The following HTR2C variants were observed in gnomAD, a reference collection of about 807,000 sequenced individuals.
HTR2C encodes the protein 5-hydroxytryptamine (serotonin) receptor 2C, G protein-coupled.
A neutral mutation model predicts 21.0 loss-of-function variants in HTR2C; 5 were observed. The ratio of observed to expected loss-of-function variants is 0.24; its 90% CI spans 0.12 to 0.50. The LOEUF (loss-of-function observed/expected upper bound fraction) is 0.50, where lower values mean the gene tolerates loss of function less well. Ranked by LOEUF, HTR2C falls within the 20% of genes least tolerant of loss-of-function variation. HTR2C has a pLI of 0.98. For missense variants in HTR2C, 271 were observed against 371.2 expected (o/e 0.73, Z 2.22); for synonymous variants, 150 against 145.3 (o/e 1.03, Z -0.23).
chrX:114,833,143 A>G (rs1273230746), intron 4 of HTR2C, among the ~76,000 whole-genome samples: 1 of 95,949 alleles, frequency 1.0e-5, no homozygotes, highest in African/African-American at 3.7e-5. Flanking sequence ...TTCATCAAGG[A>G]TATTGGTCTA....
chrX:114,886,039 T>C (rs782345973), intron 5 of HTR2C, among the ~76,000 whole-genome samples: 1 of 111,472 alleles, frequency 9.0e-6, no homozygotes, highest in Non-Finnish European at 1.9e-5. Flanking sequence ...GTTCTGTTAT[T>C]GGTACATATA....
intron 2 of HTR2C, among the ~76,000 whole-genome samples, chrX:114,655,341 AC>A (rs1406673333): frequency 2.7e-5 from 3 of 111,444 alleles, no homozygotes; most frequent in African/African-American, 9.7e-5. Flanking sequence ...GGTCTGGTAA[AC>A]CACCTGTCTA....
chrX:114,635,904 A>G (rs146118547), intron 2 of HTR2C, among the ~76,000 whole-genome samples: 1 of 111,372 alleles, frequency 9.0e-6, no homozygotes, highest in Non-Finnish European at 1.9e-5. Flanking sequence ...ATTGGATTAG[A>G]ACCATGTTTT....
chrX:114,662,873 G>T (rs1432106822), intron 2 of HTR2C, among the ~76,000 whole-genome samples: 1 of 111,742 alleles, frequency 8.9e-6, no homozygotes, highest in African/African-American at 3.2e-5. Context: ...TGATTTTAAA[G>T]TACTTGTGTA....
At chrX:114,838,531 G>C (rs1392570039) in intron 4 of HTR2C, among the ~76,000 whole-genome samples, 2 of 112,199 alleles carry the variant, frequency 1.8e-5, no homozygotes, top group Non-Finnish European at 3.8e-5. Context: ...TTAATGTCTT[G>C]TATTCAGTCT....
intron 4 of HTR2C, among the ~76,000 whole-genome samples, chrX:114,782,217 C>T (rs1405840756): frequency 9.4e-6 from 1 of 106,432 alleles, no homozygotes; most frequent in Non-Finnish European, 1.9e-5. Context: ...TGAAGTTATA[C>T]AAGCATGGGT....
intron 2 of HTR2C, among the ~76,000 whole-genome samples, chrX:114,722,439 A>T (rs1556420904): frequency 9.0e-6 from 1 of 111,227 alleles, no homozygotes; most frequent in Non-Finnish European, 1.9e-5. Context: ...TTTTCTAAAT[A>T]TACAATCATG....
intron 2 of HTR2C, among the ~76,000 whole-genome samples, chrX:114,636,018 T>A (rs782706639): frequency 9.1e-6 from 1 of 110,203 alleles, no homozygotes; most frequent in African/African-American, 3.3e-5. Flanking sequence ...TGTTAACAGG[T>A]AACTGAGGCT....
intron 5 of HTR2C, among the ~76,000 whole-genome samples, chrX:114,851,780 G>A (rs988491834): frequency 9.0e-6 from 1 of 111,215 alleles, no homozygotes; most frequent in African/African-American, 3.3e-5. Context: ...CCCCAGTTCC[G>A]AAATTAGCCA....
chrX:114,779,200 G>T (rs184817089), intron 4 of HTR2C, among the ~76,000 whole-genome samples: 1 of 110,929 alleles, frequency 9.0e-6, no homozygotes, highest in Non-Finnish European at 1.9e-5. Context: ...TGTCATCTTG[G>T]GGGGAGGCTG....
intron 1 of HTR2C, among the ~76,000 whole-genome samples, chrX:114,589,248 G>T (rs953214788): frequency 4.5e-5 from 5 of 111,894 alleles, no homozygotes; most frequent in African/African-American, 1.6e-4. Context: ...ATTTCATCTA[G>T]AGATTCACCT....
chrX:114,744,456 C>CT (rs782167644), intron 4 of HTR2C, among the ~76,000 whole-genome samples: 4,662 of 94,531 alleles, frequency 0.049, 265 homozygotes, highest in African/African-American at 0.15. Context: ...AAAGCTCATT[C>CT]TTTTTTTTTT....
At chrX:114,642,737 G>A (rs1556406707) in intron 2 of HTR2C, among the ~76,000 whole-genome samples, 1 of 111,559 alleles carries the variant, frequency 9.0e-6, no homozygotes, top group African/African-American at 3.3e-5. Flanking sequence ...TAGCTTCTGA[G>A]TTTGTTTAGA....
intron 1 of HTR2C, among the ~76,000 whole-genome samples, chrX:114,588,824 AGAG>A (rs1264911532): frequency 2.7e-5 from 3 of 111,887 alleles, no homozygotes; most frequent in Non-Finnish European, 5.6e-5. Flanking sequence ...ATTATTCTTA[AGAG>A]GAGAGGTATA....
chrX:114,735,776 T>C (rs141061447), intron 4 of HTR2C, among the ~76,000 whole-genome samples: 1 of 111,428 alleles, frequency 9.0e-6, no homozygotes, highest in Non-Finnish European at 1.9e-5. Context: ...CCAAAGGAAA[T>C]GTAATTAGTA....
intron 5 of HTR2C, 82 bp downstream of exon 5, chrX:114,848,285 C>T: frequency 1.7e-6 from 1 of 588,872 alleles, no homozygotes; most frequent in Non-Finnish European, 2.6e-6. Flanking sequence ...AACGTACAGA[C>T]GTCGACTGGT....
chrX:114,833,713 T>C (rs1238169900), intron 4 of HTR2C, among the ~76,000 whole-genome samples: 1 of 111,573 alleles, frequency 9.0e-6, no homozygotes, highest in Non-Finnish European at 1.9e-5. Flanking sequence ...AGTTCTGCTC[T>C]TATTTTAGTT....
At position 114,731,552 on chromosome X, in the gene HTR2C, T is replaced by A; in HGVS notation, c.294T>A (p.Ala98=). 1 of 1,208,236 alleles carries A rather than the reference T, an allele frequency of 8.3e-7. No homozygotes were observed. Among genetic ancestry groups the A allele is most frequent in the Non-Finnish European group, 1.1e-6 (1 of 892,411 alleles). Residue 98 remains alanine (A), a synonymous_variant, in exon 4 of 6, where the codon GCT becomes GCA. Coordinates refer to ENST00000276198, the MANE Select transcript of HTR2C (RefSeq NM_000868.4). ...ACTTCTTAATGTCCCTAGCCATTGCTGATATGCTAGTGGGACTACTTGTCA... is the reference window on the plus strand; with the variant it reads ...ACTTCTTAATGTCCCTAGCCATTGCAGATATGCTAGTGGGACTACTTGTCA... ...TNYFLMSLAI[A]DMLVGLLVMP...
chrX:114,744,085 G>A (rs995362117), intron 4 of HTR2C, among the ~76,000 whole-genome samples: 2 of 110,621 alleles, frequency 1.8e-5, no homozygotes, highest in Non-Finnish European at 3.8e-5. Context: ...AGGTGCAGTG[G>A]ATATGTTGAT....
Sources: gnomAD v4.1 joint callset for allele counts (sites outside exome capture counted in the v4.1 genomes callset) on GRCh38, gnomAD v4.1.1 for gene constraint, MANE v1.5 for transcripts, NCBI Gene and HGNC (gene_info 2026-07-23, HGNC 2026-07-21) for gene names.